Variants in SDK2 observed in about 807,000 individuals in gnomAD.
SDK2 encodes the protein protein sidekick-2.
In SDK2, 105 loss-of-function variants were observed where a neutral mutation model predicts 253.9. That is an observed-to-expected ratio of 0.41 (90% CI 0.35 to 0.49). SDK2 has a LOEUF of 0.49. Ranked by LOEUF, SDK2 falls within the 20% of genes least tolerant of loss-of-function variation. SDK2 has a pLI of 0.06. For missense variants in SDK2, 2,608 were observed against 3,003.0 expected (o/e 0.87, Z 3.07); for synonymous variants, 1,249 against 1,234.9 (o/e 1.01, Z -0.24).
chr17:73,561,961 A>G (rs2045241712), intron 1 of SDK2, among the ~76,000 whole-genome samples: 1 of 152,172 alleles, frequency 6.6e-6, no homozygotes, highest in African/African-American at 2.4e-5. Flanking sequence ...CTCCGTCTCT[A>G]CTAAAAATAC....
chr17:73,493,049 C>A (rs777407541), intron 2 of SDK2, among the ~76,000 whole-genome samples: 7 of 152,146 alleles, frequency 4.6e-5, no homozygotes, highest in African/African-American at 7.2e-5. Context: ...CAGCTGTGTG[C>A]GGAAAAAGAA....
chr17:73,643,958 C>CCCCCCCCCCCCCCCCCCCCCCCACAA lies in SDK2; in HGVS notation c.64+66_64+67insTTGTGGGGGGGGGGGGGGGGGGGGGG. 1 of 794,246 alleles carries CCCCCCCCCCCCCCCCCCCCCCCACAA rather than the reference C, an allele frequency of 1.3e-6. No individual in the cohort carries two copies. The highest frequency in any genetic ancestry group is 2.1e-6 in the Non-Finnish European group (1 of 477,666). 49.2% of individuals were successfully genotyped at this position (794,246 alleles called of 1,614,324 possible). A position where few individuals can be genotyped will look rare whatever the true frequency, so the allele number is the denominator to read the frequency against. ...GAGGTCACCGTGAGGCCGGCCAGCT[C>CCCCCCCCCCCCCCCCCCCCCCCACAA]CCGCCGCCCCTCCCCCGCCCACTCT... On this transcript the variant is annotated intron_variant, in intron 1 of 44. Transcript: ENST00000392650. The surrounding 1 kb of genome is among the most constrained non-coding windows in gnomAD (Gnocchi z 6.9).
chr17:73,597,300 G>A (rs972038783), intron 1 of SDK2, among the ~76,000 whole-genome samples: 4 of 152,186 alleles, frequency 2.6e-5, no homozygotes, highest in African/African-American at 9.6e-5. Flanking sequence ...GATGCAATCA[G>A]ATTTCTGGAA....
chr17:73,543,242 A>AG (rs2044898418), intron 1 of SDK2, among the ~76,000 whole-genome samples: 1 of 151,760 alleles, frequency 6.6e-6, no homozygotes, highest in Admixed American at 6.6e-5. Context: ...GAGGAGGAGG[A>AG]GAGGCTGGAG....
In SDK2 at chr17:73,402,958, C is replaced by G. The variant is rs553963587; in HGVS notation, c.2485-817G>C. 2.0e-5 allele frequency among the ~76,000 whole-genome samples: 3 copies of G among 152,120 alleles called. No homozygotes were observed. In the East Asian group the frequency reaches 5.8e-4, roughly 29 times the overall value. ...GATTACAGACATGCACCACCATGCCCGGCTAATTTTTGTATTTTTAGTAGA... is the reference window on the plus strand; with the variant it reads ...GATTACAGACATGCACCACCATGCCGGGCTAATTTTTGTATTTTTAGTAGA... On this transcript the variant is annotated intron_variant, in intron 18 of 44. Coordinates refer to ENST00000392650, the MANE Select transcript of SDK2 (RefSeq NM_001144952.2).
At position 73,443,433 on chromosome 17, in the gene SDK2, C is replaced by T. The variant is rs555645139; in HGVS notation, c.614-2510G>A. On this transcript the variant is annotated intron_variant, in intron 5 of 44. Coordinates refer to ENST00000392650, the MANE Select transcript of SDK2 (RefSeq NM_001144952.2). The surrounding 1 kb of genome is among the most constrained non-coding windows in gnomAD (Gnocchi z 4.6). The stretch of plus-strand genomic sequence containing the variant: ...AAGTTGTTTATTACATGCGGGGGCG[C>T]GCAGGTACCACGGCTCAGATTAATG... 4.6e-5 allele frequency among the ~76,000 whole-genome samples: 7 copies of T among 152,274 alleles called. No individual in the cohort carries two copies. Among genetic ancestry groups the T allele is most frequent in the African/African-American group, 7.2e-5 (3 of 41,538 alleles).
intron 1 of SDK2, among the ~76,000 whole-genome samples, chr17:73,607,532 G>C (rs1055836191): frequency 3.3e-5 from 5 of 152,160 alleles, no homozygotes; most frequent in African/African-American, 1.2e-4. Flanking sequence ...AAGGGGTCTC[G>C]GGTGGGAGAG....
chr17:73,350,686 C>A lies in SDK2; in HGVS notation c.5863G>T (p.Gly1955Cys). The A allele has an allele frequency of 6.2e-7, 1 of 1,613,308 alleles. No homozygotes were observed. The highest frequency in any genetic ancestry group is 8.5e-7 in the Non-Finnish European group (1 of 1,179,722). ...LLLVFVLIIR[G>C]QSKKYAKKTD... is the part of the protein sequence containing the mutation. ...TTCTTGGCGTACTTCTTGCTCTGGC[C>A]CCGGATGATGAGCACGAAGACCAGA... Residue 1955 changes from glycine (G) to cysteine (C), a missense_variant, in exon 42 of 45, where the codon GGC becomes TGC. Gly to Cys is a radical substitution (Grantham distance 159). Transcript: ENST00000392650.
chr17:73,545,522 C>G (rs1405444800), intron 1 of SDK2, among the ~76,000 whole-genome samples: 1 of 152,140 alleles, frequency 6.6e-6, no homozygotes, highest in Non-Finnish European at 1.5e-5. Flanking sequence ...TGCGTTTGAG[C>G]TAAACATGCC....
At chr17:73,421,282 AC>A (rs11337646) in intron 15 of SDK2, among the ~76,000 whole-genome samples, 90,716 of 151,972 alleles carry the variant, frequency 0.6, 29,985 homozygotes, top group Non-Finnish European at 0.75. Flanking sequence ...AGATTGTTTG[AC>A]CCCAGTGGTG....
At chr17:73,548,043 A>T (rs1185366205) in intron 1 of SDK2, among the ~76,000 whole-genome samples, 2 of 152,200 alleles carry the variant, frequency 1.3e-5, no homozygotes, top group East Asian at 3.9e-4. Flanking sequence ...GTGAGAACTC[A>T]CTATTACGAG....
Position 73,447,112 on chromosome 17 carries a change from C to A in SDK2, c.613+503G>T, listed in dbSNP as rs1342500453. 6.6e-6 allele frequency among the ~76,000 whole-genome samples: 1 copy of A among 152,136 alleles called. No homozygotes were observed. Among genetic ancestry groups the A allele is most frequent in the African/African-American group, 2.4e-5 (1 of 41,424 alleles). ...GGATGGAGGTGTTTTAGGTGGGTGCCTGGGCAGAGGGCCTGTCTTCCCATC... is the reference window on the plus strand; with the variant it reads ...GGATGGAGGTGTTTTAGGTGGGTGCATGGGCAGAGGGCCTGTCTTCCCATC... On this transcript the variant is annotated intron_variant, in intron 5 of 44. Coordinates refer to ENST00000392650, the MANE Select transcript of SDK2 (RefSeq NM_001144952.2). This position sits in a 1 kb window ranked among gnomAD's most constrained non-coding sequence, Gnocchi z 4.0.
At chr17:73,381,029 C>A in intron 33 of SDK2, 79 bp from the exon 34 acceptor site, 1 of 873,946 alleles carries the variant, frequency 1.1e-6, no homozygotes, top group Middle Eastern at 2.9e-4. Flanking sequence ...CATCCCCACC[C>A]CACAAAGAAA....
At position 73,435,879 on chromosome 17, in the gene SDK2, A is replaced by G. The variant is rs1476049078; in HGVS notation, c.1001-235T>C. Among the ~76,000 whole-genome samples the G allele has an allele frequency of 1.3e-5, 2 of 152,144 alleles. No individual in the cohort carries two copies. The highest frequency in any genetic ancestry group is 3.9e-4 in the East Asian group (2 of 5,188). On this transcript the variant is annotated intron_variant, in intron 8 of 44. Transcript: ENST00000392650. The surrounding 1 kb of genome is among the most constrained non-coding windows in gnomAD (Gnocchi z 5.7). ...GTAAAGATCCGGGAATCAGTTTAGCATGGAAACTGGATTGGACAAACTAAT... is the reference window on the plus strand; with the variant it reads ...GTAAAGATCCGGGAATCAGTTTAGCGTGGAAACTGGATTGGACAAACTAAT...
chr17:73,386,371 C>T (rs1209392485), intron 31 of SDK2, 74 bp downstream of exon 31: 3 of 1,082,202 alleles, frequency 2.8e-6, no homozygotes, highest in Non-Finnish European at 2.8e-6. Context: ...GCCCCTCCCC[C>T]CGTAAGAAAA....
chr17:73,348,582 G>C lies in SDK2; in HGVS notation c.6165+17C>G, dbSNP rs201960645. On this transcript the variant is annotated intron_variant, in intron 44 of 44. Coordinates refer to ENST00000392650, the MANE Select transcript of SDK2 (RefSeq NM_001144952.2). ...GCTCCCTGCCCCCTGCAGGACACCT[G>C]GCCCTCCTGCCCTCACCTGAGAGTC... 6.2e-7 allele frequency: 1 copy of C among 1,610,620 alleles called. No homozygotes were observed. The highest frequency in any genetic ancestry group is 1.3e-5 in the African/African-American group (1 of 75,042).
Position 73,431,566 on chromosome 17 carries a change from G to C in SDK2, c.1416C>G (p.Thr472=). ...ISPTHISDAG[T]YTCLATNSRG... is the part of the protein sequence containing the mutation. ...GAGAGTTGGTGGCCAGGCAGGTGTA[G>C]GTCCCCGCATCGGAGATGTGTGTGG... The change falls in exon 11 of 45, where the codon ACC becomes ACG. Residue 472 remains threonine (T), a synonymous_variant. Transcript: ENST00000392650. The surrounding 1 kb of genome is among the most constrained non-coding windows in gnomAD (Gnocchi z 5.6). The C allele has an allele frequency of 6.2e-7, 1 of 1,613,770 alleles. No individual in the cohort carries two copies.
intron 1 of SDK2, among the ~76,000 whole-genome samples, chr17:73,595,171 TGTCA>T (rs375176137): frequency 1.3e-4 from 19 of 151,304 alleles, no homozygotes; most frequent in African/African-American, 4.6e-4. Context: ...ACAGAAGGGG[TGTCA>T]GTGAGAATTC....
intron 1 of SDK2, among the ~76,000 whole-genome samples, chr17:73,576,571 T>C (rs1389022208): frequency 6.6e-6 from 1 of 152,228 alleles, no homozygotes; most frequent in African/African-American, 2.4e-5. Context: ...AAGGCACAGC[T>C]GGCTAGAACA....
Sources: gnomAD v4.1 joint callset for allele counts (sites outside exome capture counted in the v4.1 genomes callset) on GRCh38, gnomAD v4.1.1 for gene constraint, Gnocchi (gnomAD v3.1) non-coding constraint, MANE v1.5 for transcripts, NCBI Gene and HGNC (gene_info 2026-07-23, HGNC 2026-07-21) for gene names.